The following FAM120A variants were observed in gnomAD, a reference collection of about 807,000 sequenced individuals.
FAM120A encodes constitutive coactivator of PPAR-gamma-like protein 1.
FAM120A carries 15 observed loss-of-function variants against 109.7 expected under a neutral mutation model. The ratio of observed to expected loss-of-function variants is 0.14; its 90% CI spans 0.09 to 0.21. FAM120A has a LOEUF of 0.21. Ranked by LOEUF, FAM120A falls within the 10% of genes least tolerant of loss-of-function variation. The probability of loss-of-function intolerance (pLI) is 1.00; values close to 1 mark genes in which losing one functional copy is unlikely to be tolerated. For synonymous variants in FAM120A, 493 were observed against 572.8 expected, an observed-to-expected ratio of 0.86 and a Z score of 1.99; for missense variants, 899 against 1,439.3, an observed-to-expected ratio of 0.62 and a Z score of 6.07.
intron 7 of FAM120A, among the ~76,000 whole-genome samples, chr9:93,518,962 G>T (rs1434166282): frequency 3.3e-5 from 5 of 151,986 alleles, no homozygotes; most frequent in Non-Finnish European, 7.4e-5. Context: ...GCTATTGTTA[G>T]TCTATTTTAT....
At position 93,452,482 on chromosome 9, in the gene FAM120A, G is replaced by A; in HGVS notation, c.474+93G>A. On this transcript the variant is annotated intron_variant, in intron 1 of 17. Coordinates refer to ENST00000277165, the MANE Select transcript of FAM120A (RefSeq NM_014612.5). The surrounding 1 kb of genome is among the most constrained non-coding windows in gnomAD (Gnocchi z 7.0). Reference sequence around the variant, plus strand: ...CGCAGAATGTCGCCCGGCCGTGGCGGCGCTGGGGGCAGCGAGTTCCCCCAG... The same window carrying A: ...CGCAGAATGTCGCCCGGCCGTGGCGACGCTGGGGGCAGCGAGTTCCCCCAG... The A allele has an allele frequency of 6.5e-7, 1 of 1,543,914 alleles. No homozygotes were observed. Among genetic ancestry groups the A allele is most frequent in the Non-Finnish European group, 8.7e-7 (1 of 1,149,074 alleles).
chr9:93,469,653 A>G (rs1019820596), intron 1 of FAM120A, among the ~76,000 whole-genome samples: 1 of 152,236 alleles, frequency 6.6e-6, no homozygotes, highest in African/African-American at 2.4e-5. Flanking sequence ...TAGCTGGTAT[A>G]CAGTGTTTTT....
intron 9 of FAM120A, 167 bp downstream of exon 9, chr9:93,529,747 A>G (rs950501302): frequency 1.5e-6 from 1 of 672,998 alleles, no homozygotes; most frequent in Non-Finnish European, 2.7e-6. Flanking sequence ...ATGAACATTT[A>G]TAACTGTAAA....
Position 93,505,320 on chromosome 9 carries a change from G to A in FAM120A, c.1030+6434G>A, listed in dbSNP as rs535187299. On this transcript the variant is annotated intron_variant, in intron 5 of 17. Coordinates refer to ENST00000277165, the MANE Select transcript of FAM120A (RefSeq NM_014612.5). ...CGTGATCCGCCCGCCTCGGCCTCCC[G>A]AAATGCTGGGATTACAGGCGTGAGC... Among the ~76,000 whole-genome samples the A allele has an allele frequency of 6.6e-5, 10 of 152,086 alleles. No homozygotes were observed. In the East Asian group the frequency reaches 9.7e-4, roughly 15 times the overall value.
At chr9:93,522,979 T>C (rs1158921613) in intron 7 of FAM120A, among the ~76,000 whole-genome samples, 1 of 152,224 alleles carries the variant, frequency 6.6e-6, no homozygotes, top group South Asian at 2.1e-4. Context: ...TTGGTATTTC[T>C]AGGTGATGTT....
At chr9:93,518,562 A>T (rs1860706672) in intron 7 of FAM120A, among the ~76,000 whole-genome samples, 1 of 152,220 alleles carries the variant, frequency 6.6e-6, no homozygotes, top group Admixed American at 6.5e-5. Flanking sequence ...TTACCAGTGA[A>T]CAGGGCAGAG....
intron 1 of FAM120A, among the ~76,000 whole-genome samples, chr9:93,470,562 G>A (rs1346986166): frequency 6.6e-6 from 1 of 152,224 alleles, no homozygotes; most frequent in Non-Finnish European, 1.5e-5. Context: ...GCCTGTGGCA[G>A]TTACATTGAG....
rs1337780418 is a variant in FAM120A at position 93,451,881 on chromosome 9, C to G, written c.-35C>G. The stretch of plus-strand genomic sequence containing the variant: ...CCACCACCCCCGGCCCCGCCGCCCC[C>G]CGCCCGCACCCGCGCCCGCGCCCCC... On this transcript the variant is annotated 5_prime_UTR_variant, in exon 1 of 18. Coordinates refer to ENST00000277165, the MANE Select transcript of FAM120A (RefSeq NM_014612.5). 1.1e-5 allele frequency: 13 copies of G among 1,208,490 alleles called. No individual in the cohort carries two copies. Among genetic ancestry groups the G allele is most frequent in the Non-Finnish European group, 1.3e-5 (13 of 974,240 alleles). 74.9% of individuals were successfully genotyped at this position (1,208,490 alleles called of 1,614,324 possible).
chr9:93,453,437 G>A, intron 1 of FAM120A: 1 of 985,382 alleles, frequency 1.0e-6, no homozygotes, highest in Non-Finnish European at 1.2e-6. Flanking sequence ...AATTTTGGGG[G>A]CCTTTTTGTT....
intron 10 of FAM120A, among the ~76,000 whole-genome samples, chr9:93,534,776 G>A (rs1046988339): frequency 1.3e-5 from 2 of 152,154 alleles, no homozygotes; most frequent in African/African-American, 4.8e-5. Flanking sequence ...GTTTGTATTA[G>A]TAGACTTAGG....
At chr9:93,531,567 G>A (rs1347086845) in intron 9 of FAM120A, among the ~76,000 whole-genome samples, 2 of 152,166 alleles carry the variant, frequency 1.3e-5, no homozygotes, top group African/African-American at 4.8e-5. Context: ...TGAAAAAGGT[G>A]GAGTGCTTTT....
chr9:93,478,969 T>G (rs1858674710), intron 3 of FAM120A, among the ~76,000 whole-genome samples: 1 of 152,258 alleles, frequency 6.6e-6, no homozygotes, highest in Non-Finnish European at 1.5e-5. Context: ...CAATTGCATC[T>G]TTTGAAAATT....
intron 1 of FAM120A, among the ~76,000 whole-genome samples, chr9:93,458,568 T>G (rs750471587): frequency 6.6e-6 from 1 of 152,162 alleles, no homozygotes; most frequent in Non-Finnish European, 1.5e-5. Context: ...TTCACCATAT[T>G]TATCCAAAAG....
At chr9:93,530,956 TG>T (rs1861306377) in intron 9 of FAM120A, 1 of 152,244 alleles carries the variant, frequency 6.6e-6, no homozygotes, top group South Asian at 2.1e-4. Context: ...TGTACCGACA[TG>T]CTTTCTTATT....
At chr9:93,464,766 G>A (rs985116278) in intron 1 of FAM120A, among the ~76,000 whole-genome samples, 1 of 152,218 alleles carries the variant, frequency 6.6e-6, no homozygotes, top group Non-Finnish European at 1.5e-5. Context: ...CTCATAGTTC[G>A]AAGTCTGATT....
chr9:93,508,885 C>G (rs1000841768), intron 5 of FAM120A, among the ~76,000 whole-genome samples: 1 of 152,144 alleles, frequency 6.6e-6, no homozygotes, highest in African/African-American at 2.4e-5. Flanking sequence ...AATAACATAC[C>G]CCCCAGAATC....
At chr9:93,484,199 G>C (rs1858937868) in intron 3 of FAM120A, among the ~76,000 whole-genome samples, 1 of 152,088 alleles carries the variant, frequency 6.6e-6, no homozygotes, top group Non-Finnish European at 1.5e-5. Context: ...GGGACTACAG[G>C]TGTGCGCCAC....
chr9:93,492,983 C>T (rs1158578787), intron 3 of FAM120A, among the ~76,000 whole-genome samples: 1 of 152,118 alleles, frequency 6.6e-6, no homozygotes, highest in Non-Finnish European at 1.5e-5. Flanking sequence ...TGCACATGCC[C>T]CTGGGAGACA....
At chr9:93,526,731 CA>C (rs1861098815) in intron 7 of FAM120A, among the ~76,000 whole-genome samples, 1 of 152,224 alleles carries the variant, frequency 6.6e-6, no homozygotes, top group Non-Finnish European at 1.5e-5. Context: ...TGTCGCCTTA[CA>C]TTTATTTATA....
Sources: allele counts gnomAD v4.1 joint callset (sites outside exome capture counted in the v4.1 genomes callset), GRCh38; gene constraint gnomAD v4.1.1; non-coding constraint Gnocchi (gnomAD v3.1); transcripts MANE v1.5; gene names NCBI Gene and HGNC (gene_info 2026-07-23, HGNC 2026-07-21).